SFMBT1: variants seen among roughly 807,000 people sequenced by gnomAD.
The protein encoded by SFMBT1 is Scm like with four mbt domains 1.
In SFMBT1, 32 loss-of-function variants were observed where a neutral mutation model predicts 108.7. That is an observed-to-expected ratio of 0.29 (90% CI 0.22 to 0.40). The LOEUF is 0.40. Among genes scored for constraint, SFMBT1 ranks in the 10% least tolerant of loss-of-function variants. SFMBT1 has a pLI of 1.00. For missense variants in SFMBT1, 816 were observed against 1,059.6 expected, an observed-to-expected ratio of 0.77 and a Z score of 3.19; for synonymous variants, 348 against 369.5, an observed-to-expected ratio of 0.94 and a Z score of 0.67.
chr3:52,910,951 T>G, intron 17 of SFMBT1, 52 bp downstream of exon 17: 2 of 1,578,522 alleles, frequency 1.3e-6, no homozygotes, highest in Non-Finnish European at 8.7e-7. Context: ...CTTTCCAAGA[T>G]GTAAGGTATG....
intron 1 of SFMBT1, among the ~76,000 whole-genome samples, chr3:52,995,707 T>C (rs1698301760): frequency 6.7e-6 from 1 of 149,762 alleles, no homozygotes; most frequent in Non-Finnish European, 1.5e-5. Context: ...GCCTGGCAAA[T>C]AACTTTAAAA....
In SFMBT1 at chr3:52,984,297, C is replaced by T. The variant is rs140880068; in HGVS notation, c.-130-15039G>A. 3.8e-3 allele frequency among the ~76,000 whole-genome samples: 584 copies of T among 152,260 alleles called. 3 individuals carry two copies. The highest frequency in any genetic ancestry group is 0.013 in the African/African-American group (532 of 41,554). On this transcript the variant is annotated intron_variant, in intron 1 of 20. Transcript: ENST00000394752. ...TTTTCAATCAACAAAAGTATAATTA[C>T]TATCTGTGTAGTGTCTCCAATTTAT...
rs144661006 is a variant in SFMBT1, at chr3:52,932,108, G to A, written c.654C>T (p.His218=). 2.0e-5 allele frequency: 33 copies of A among 1,613,982 alleles called. No homozygotes were observed. The highest frequency in any genetic ancestry group is 1.6e-4 in the Middle Eastern group (1 of 6,084). The change falls in exon 6 of 21, where the codon CAC becomes CAT. Residue 218 remains histidine, a synonymous_variant. Transcript: ENST00000394752. ...ATCCCTGTTGAGCAGCCCAACCAAC[G>A]TGATGAAGAAATGGATCCAAGTAAT... is the stretch of plus-strand genomic sequence containing the variant. ...WLYYLDPFLH[H]VGWAAQQGYE...
chr3:52,995,458 C>T (rs1559541855), intron 1 of SFMBT1, among the ~76,000 whole-genome samples: 1 of 150,294 alleles, frequency 6.7e-6, no homozygotes, highest in Non-Finnish European at 1.5e-5. Context: ...GGCACGATCA[C>T]TGCTCACTGC....
intron 1 of SFMBT1, among the ~76,000 whole-genome samples, chr3:53,038,001 C>T (rs1699920100): frequency 6.6e-6 from 1 of 152,132 alleles, no homozygotes; most frequent in Non-Finnish European, 1.5e-5. Flanking sequence ...ATCCCAGCTA[C>T]TCGGGAGGCT....
chr3:52,986,724 C>T (rs1332823493), intron 1 of SFMBT1, among the ~76,000 whole-genome samples: 1 of 148,436 alleles, frequency 6.7e-6, no homozygotes, highest in Non-Finnish European at 1.5e-5. Context: ...TGCAGTGAAC[C>T]GAGATCGCGC....
chr3:53,026,912 A>G (rs1308067168), intron 1 of SFMBT1, among the ~76,000 whole-genome samples: 1 of 152,098 alleles, frequency 6.6e-6, no homozygotes, highest in African/African-American at 2.4e-5. Flanking sequence ...CCTCCCAAGT[A>G]GCTAAGACTA....
At chr3:52,983,198 C>A (rs1253630222) in intron 1 of SFMBT1, among the ~76,000 whole-genome samples, 1 of 152,150 alleles carries the variant, frequency 6.6e-6, no homozygotes, top group Non-Finnish European at 1.5e-5. Context: ...GCCTACCCAA[C>A]GTGAAGATGA....
chr3:53,020,309 G>C (rs1231852720), intron 1 of SFMBT1, among the ~76,000 whole-genome samples: 2 of 151,992 alleles, frequency 1.3e-5, no homozygotes, highest in Non-Finnish European at 2.9e-5. Context: ...GAAATCGCTT[G>C]AACCTGGGAG....
At chr3:52,924,107 C>T (rs370990025) in intron 10 of SFMBT1, among the ~76,000 whole-genome samples, 16 of 152,290 alleles carry the variant, frequency 1.1e-4, no homozygotes, top group African/African-American at 3.9e-4. Flanking sequence ...ATAACTTCCA[C>T]ATTGAGCCAA....
chr3:53,010,588 G>A (rs1698908510), intron 1 of SFMBT1, among the ~76,000 whole-genome samples: 1 of 152,162 alleles, frequency 6.6e-6, no homozygotes, highest in South Asian at 2.1e-4. Context: ...TAATTGTGGA[G>A]CCATGTTTCA....
intron 14 of SFMBT1, among the ~76,000 whole-genome samples, chr3:52,915,365 G>C (rs1222979652): frequency 6.6e-6 from 1 of 152,190 alleles, no homozygotes; most frequent in Non-Finnish European, 1.5e-5. Context: ...CAAAAGCAAG[G>C]AGTTACACAG....
Position 52,931,007 on chromosome 3 carries a change from C to T in SFMBT1, c.729G>A (p.Glu243=). 3 of 1,614,062 alleles carry T rather than the reference C, an allele frequency of 1.9e-6. No individual in the cohort carries two copies. Among genetic ancestry groups the T allele is most frequent in the African/African-American group, 2.7e-5 (2 of 75,036 alleles). The change falls in exon 7 of 21, where the codon GAG becomes GAA. Residue 243 remains glutamate (E), a synonymous_variant. Transcript: ENST00000394752. ...SAIRHLKNEA[E]WQEILAKVKE... ...TCACTTTGGCCAAAATCTCTTGCCA[C>T]TCAGCTTCATTTTTTAGATGTCTAA...
chr3:52,948,615 G>A (rs1252938718), intron 3 of SFMBT1, among the ~76,000 whole-genome samples: 3 of 150,556 alleles, frequency 2.0e-5, no homozygotes, highest in South Asian at 2.1e-4. Context: ...TAATGAATTG[G>A]AGTTGCCTTA....
rs191187766 is a variant in SFMBT1 at position 52,972,827 on chromosome 3, C to T, written c.-130-3569G>A. ...GTGGTGGCGGGCCAATGTGGTAAAA[C>T]CCCATCTCTACTAAACACACACACA... is the stretch of plus-strand genomic sequence containing the variant. On this transcript the variant is annotated intron_variant, in intron 1 of 20. Coordinates refer to ENST00000394752, the MANE Select transcript of SFMBT1 (RefSeq NM_016329.4). 6.8e-3 allele frequency among the ~76,000 whole-genome samples: 878 copies of T among 129,666 alleles called. 16 individuals carry two copies. The highest frequency in any genetic ancestry group is 0.026 in the African/African-American group (818 of 32,056). The allele number at this position is 129,666 out of a possible 152,430, so 85.1% of individuals were successfully genotyped here. A position where few individuals can be genotyped will look rare whatever the true frequency, so the allele number is the denominator to read the frequency against.
At position 52,949,543 on chromosome 3, in the gene SFMBT1, C is replaced by G. The variant is rs553266579; in HGVS notation, c.123+4774G>C. Reference sequence around the variant, plus strand: ...TGTTACGTCTTCTTGAAGAACTGACCCCTTTATTATTATGTAATGTCCTTC... The same window carrying G: ...TGTTACGTCTTCTTGAAGAACTGACGCCTTTATTATTATGTAATGTCCTTC... On this transcript the variant is annotated intron_variant, in intron 3 of 20. Coordinates refer to ENST00000394752, the MANE Select transcript of SFMBT1 (RefSeq NM_016329.4). Among the ~76,000 whole-genome samples the G allele has an allele frequency of 2.3e-3, 350 of 149,490 alleles. 1 individual carries two copies. The highest frequency in any genetic ancestry group is 8.6e-3 in the African/African-American group (343 of 39,838).
chr3:52,919,173 A>G (rs1702445521), intron 12 of SFMBT1, among the ~76,000 whole-genome samples: 1 of 152,230 alleles, frequency 6.6e-6, no homozygotes, highest in Non-Finnish European at 1.5e-5. Flanking sequence ...TCAAAGATCT[A>G]AACATAAATG....
At chr3:53,013,358 A>G (rs984825694) in intron 1 of SFMBT1, among the ~76,000 whole-genome samples, 3 of 151,796 alleles carry the variant, frequency 2.0e-5, no homozygotes, top group South Asian at 4.1e-4. Flanking sequence ...TAGAATTGCC[A>G]AAGAATATTA....
intron 1 of SFMBT1, among the ~76,000 whole-genome samples, chr3:52,994,983 A>C (rs1367734425): frequency 6.7e-6 from 1 of 149,636 alleles, no homozygotes; most frequent in East Asian, 1.9e-4. Flanking sequence ...AATTTGAAAA[A>C]AATCTATTCA....
Sources: allele counts gnomAD v4.1 joint callset (sites outside exome capture counted in the v4.1 genomes callset), GRCh38; gene constraint gnomAD v4.1.1; transcripts MANE v1.5; gene names NCBI Gene and HGNC (gene_info 2026-07-23, HGNC 2026-07-21).